The following GK5 variants were observed in gnomAD, a reference collection of about 807,000 sequenced individuals.
The protein encoded by GK5 is glycerol kinase 5, also known as ATP:glycerol 3-phosphotransferase 5.
GK5 carries 39 observed loss-of-function variants against 77.3 expected under a neutral mutation model. That is an observed-to-expected ratio of 0.50 (90% CI 0.39 to 0.66). The LOEUF is 0.66. Ranked by LOEUF, GK5 falls within the 30% of genes least tolerant of loss-of-function variation. The pLI is 0.00. For missense variants in GK5, 487 were observed against 633.8 expected (o/e 0.77, Z 2.49); for synonymous variants, 211 against 208.0 (o/e 1.01, Z -0.13).
chr3:142,171,555 A>C, intron 13 of GK5, 77 bp from the exon 14 acceptor site: 3 of 965,392 alleles, frequency 3.1e-6, no homozygotes, highest in Non-Finnish European at 4.3e-6. Flanking sequence ...ATCTTGAAAA[A>C]TACAAACTAT....
intron 4 of GK5, among the ~76,000 whole-genome samples, chr3:142,202,186 A>C (rs964035561): frequency 1.3e-5 from 2 of 152,192 alleles, no homozygotes; most frequent in Admixed American, 1.3e-4. Flanking sequence ...AGAAAGAGCC[A>C]AACCTTGGTA....
chr3:142,214,480 A>C (rs1302459933), intron 2 of GK5, among the ~76,000 whole-genome samples: 1 of 152,208 alleles, frequency 6.6e-6, no homozygotes, highest in African/African-American at 2.4e-5. Context: ...GGACAACTTC[A>C]ATTTGAGCAT....
At chr3:142,207,076 G>A (rs746791561) in intron 3 of GK5, among the ~76,000 whole-genome samples, 49 of 152,298 alleles carry the variant, frequency 3.2e-4, no homozygotes, top group Non-Finnish European at 5.6e-4. Context: ...AGCCAACAGC[G>A]GGTGATGTGC....
intron 4 of GK5, among the ~76,000 whole-genome samples, chr3:142,203,505 T>C (rs1293439973): frequency 6.6e-6 from 1 of 152,218 alleles, no homozygotes; most frequent in Non-Finnish European, 1.5e-5. Context: ...CCAGGCGCGA[T>C]GACTGACGCC....
intron 1 of GK5, among the ~76,000 whole-genome samples, chr3:142,217,182 T>G (rs991285547): frequency 1.1e-4 from 17 of 152,154 alleles, no homozygotes; most frequent in African/African-American, 4.1e-4. Flanking sequence ...GAGGAGTGAA[T>G]ACACTTGCAA....
At chr3:142,224,518 G>C (rs1329241135) in intron 1 of GK5, among the ~76,000 whole-genome samples, 1 of 152,188 alleles carries the variant, frequency 6.6e-6, no homozygotes, top group African/African-American at 2.4e-5. Flanking sequence ...AGAACAGAAG[G>C]ATATCAATTT....
At chr3:142,220,860 G>C (rs2064336153) in intron 1 of GK5, among the ~76,000 whole-genome samples, 1 of 152,338 alleles carries the variant, frequency 6.6e-6, no homozygotes, top group South Asian at 2.1e-4. Context: ...AGATGGGGTT[G>C]TACGTAGGAC....
chr3:142,212,824 A>ATTTTTTTT (rs1553839427), intron 3 of GK5, among the ~76,000 whole-genome samples: 3 of 129,958 alleles, frequency 2.3e-5, no homozygotes, highest in African/African-American at 3.0e-5. Context: ...ATAGACAAAT[A>ATTTTTTTT]TTTTCTTTTT....
chr3:142,199,439 G>A (rs1381385336), intron 4 of GK5, among the ~76,000 whole-genome samples: 1 of 152,026 alleles, frequency 6.6e-6, no homozygotes, highest in African/African-American at 2.4e-5. Flanking sequence ...AAGGCTCATA[G>A]TCCAAATATT....
At chr3:142,220,470 T>C (rs1171423469) in intron 1 of GK5, among the ~76,000 whole-genome samples, 1 of 152,184 alleles carries the variant, frequency 6.6e-6, no homozygotes, top group African/African-American at 2.4e-5. Flanking sequence ...AGTGGGCAGA[T>C]GGTACATGGC....
intron 6 of GK5, 47 bp from the exon 7 acceptor site, chr3:142,186,560 T>C (rs1484936192): frequency 2.5e-6 from 2 of 815,810 alleles, no homozygotes; most frequent in Admixed American, 5.2e-5. Context: ...ATAGTATAAA[T>C]CAACACCTAT....
chr3:142,193,203 T>A (rs1348443799), intron 5 of GK5, among the ~76,000 whole-genome samples: 1 of 152,294 alleles, frequency 6.6e-6, no homozygotes. Context: ...ATATGGAAAC[T>A]ATATTTACTG....
intron 3 of GK5, 52 bp from the exon 4 acceptor site, chr3:142,204,840 T>C: frequency 9.9e-7 from 1 of 1,014,088 alleles, no homozygotes; most frequent in Non-Finnish European, 1.5e-6. Context: ...AGAGACTATG[T>C]TAAAGATGTG....
At chr3:142,210,176 T>G (rs562913762) in intron 3 of GK5, among the ~76,000 whole-genome samples, 2 of 152,124 alleles carry the variant, frequency 1.3e-5, no homozygotes, top group East Asian at 1.9e-4. Flanking sequence ...AAAAAGAAAG[T>G]TCAAAGTTTT....
Position 142,163,274 on chromosome 3 carries a change from A to G in GK5, c.*2348T>C, listed in dbSNP as rs1195324329. 7.5e-6 allele frequency: 1 copy of G among 133,034 alleles called. No homozygotes were observed. Among genetic ancestry groups the G allele is most frequent in the Non-Finnish European group, 1.6e-5 (1 of 63,642 alleles). The allele number at this position is 133,034 out of a possible 1,614,324, so 8.2% of individuals were successfully genotyped here. ...TTCCAACATTATCTGAAAAGTATTG[A>G]TCCTTTTTTTTTTTTTTTGAGACGC... On this transcript the variant is annotated 3_prime_UTR_variant, in exon 16 of 16. Coordinates refer to ENST00000392993, the MANE Select transcript of GK5 (RefSeq NM_001039547.3).
rs549660056 is a variant in GK5, at chr3:142,162,890, G to A, written c.*2732C>T. Reference sequence around the variant, plus strand: ...GTATACCTGAAATCCCAGCTACTTGGGAGGCTGAGGCAGGAGGACTGCTTG... The same window carrying A: ...GTATACCTGAAATCCCAGCTACTTGAGAGGCTGAGGCAGGAGGACTGCTTG... On this transcript the variant is annotated 3_prime_UTR_variant, in exon 16 of 16. Coordinates refer to ENST00000392993, the MANE Select transcript of GK5 (RefSeq NM_001039547.3). 4 of 152,168 alleles carry A rather than the reference G, an allele frequency of 2.6e-5. No homozygotes were observed. In the East Asian group the frequency reaches 7.8e-4, roughly 30 times the overall value. The allele number at this position is 152,168 out of a possible 1,614,324, so 9.4% of individuals were successfully genotyped here.
chr3:142,200,094 T>C (rs769758853), intron 4 of GK5, among the ~76,000 whole-genome samples: 10 of 148,452 alleles, frequency 6.7e-5, no homozygotes, highest in Admixed American at 1.3e-4. Context: ...TTTCTATATA[T>C]ATATACACAC....
chr3:142,172,348 C>T lies in GK5; in HGVS notation c.1247+5G>A. 6.7e-7 allele frequency: 1 copy of T among 1,503,096 alleles called. No individual in the cohort carries two copies. The highest frequency in any genetic ancestry group is 9.2e-7 in the Non-Finnish European group (1 of 1,088,632). The allele number at this position is 1,503,096 out of a possible 1,614,324, so 93.1% of individuals were successfully genotyped here. A position where few individuals can be genotyped will look rare whatever the true frequency, so the allele number is the denominator to read the frequency against. ...GAAGGGGAAGTTTAGGGCAGGTTTT[C>T]ATACCTGAAAGCTATTGACTCCAAT... On this transcript the variant is annotated splice_donor_5th_base_variant and intron_variant, in intron 13 of 15. Coordinates refer to ENST00000392993, the MANE Select transcript of GK5 (RefSeq NM_001039547.3).
At chr3:142,177,446 T>C (rs771010704) in intron 12 of GK5, 36 bp downstream of exon 12, 1 of 1,209,208 alleles carries the variant, frequency 8.3e-7, no homozygotes, top group Non-Finnish European at 1.2e-6. Flanking sequence ...AGGAGAAAAA[T>C]ATTTGTGATT....
Sources: gnomAD v4.1 joint callset for allele counts (sites outside exome capture counted in the v4.1 genomes callset) on GRCh38, gnomAD v4.1.1 for gene constraint, MANE v1.5 for transcripts, NCBI Gene and HGNC (gene_info 2026-07-23, HGNC 2026-07-21) for gene names.